MBD5: variants seen among roughly 807,000 people sequenced by gnomAD.
MBD5 encodes methyl-CpG binding domain protein 5, also known as methyl-CpG-binding domain protein 5.
A neutral mutation model predicts 117.3 loss-of-function variants in MBD5; 13 were observed. The ratio of observed to expected loss-of-function variants is 0.11; its 90% CI spans 0.07 to 0.18. The LOEUF (loss-of-function observed/expected upper bound fraction) is 0.18. Among genes scored for constraint, MBD5 ranks in the 10% least tolerant of loss-of-function variants. MBD5 has a pLI of 1.00. For synonymous variants in MBD5, 727 were observed against 766.4 expected (o/e 0.95, Z 0.85); for missense variants, 1,879 against 2,093.8 (o/e 0.90, Z 2.00).
chr2:148,254,154 GC>G (rs1414220255), intron 3 of MBD5, among the ~76,000 whole-genome samples: 5 of 152,192 alleles, frequency 3.3e-5, no homozygotes, highest in Non-Finnish European at 5.9e-5. Flanking sequence ...GCCTAGGGAT[GC>G]CCACCCTCTC....
At chr2:148,243,502 T>G (rs1204438584) in intron 3 of MBD5, among the ~76,000 whole-genome samples, 2 of 152,108 alleles carry the variant, frequency 1.3e-5, no homozygotes, top group African/African-American at 4.8e-5. Flanking sequence ...ATATATTTTA[T>G]ATTTTCCATT....
intron 3 of MBD5, among the ~76,000 whole-genome samples, chr2:148,249,880 C>A (rs1353262908): frequency 1.3e-5 from 2 of 152,090 alleles, no homozygotes; most frequent in Admixed American, 1.3e-4. Flanking sequence ...TGACTGCAGG[C>A]CAGGGATGCT....
At chr2:148,478,225 T>G (rs1392032050) in intron 8 of MBD5, among the ~76,000 whole-genome samples, 1 of 152,216 alleles carries the variant, frequency 6.6e-6, no homozygotes, top group Non-Finnish European at 1.5e-5. Flanking sequence ...CGTGCTGTCA[T>G]GTACACACAT....
chr2:148,421,636 C>T (rs964786222), intron 4 of MBD5, among the ~76,000 whole-genome samples: 4 of 152,134 alleles, frequency 2.6e-5, no homozygotes, highest in East Asian at 1.9e-4. Flanking sequence ...TGGTCTGGCT[C>T]GGCGGATCCC....
At position 148,216,235 on chromosome 2, in the gene MBD5, C is replaced by T. The variant is rs137873129; in HGVS notation, c.-830-17010C>T. ...GAAAATATTAGAAGAGAAACCTGGC[C>T]GATCAAGCTTAGATCACAGATGCAT... On this transcript the variant is annotated intron_variant, in intron 2 of 13. Coordinates refer to ENST00000642680, the MANE Select transcript of MBD5 (RefSeq NM_001378120.1). Among the ~76,000 whole-genome samples the T allele has an allele frequency of 2.4e-3, 368 of 152,104 alleles. 2 individuals carry two copies. Among genetic ancestry groups the T allele is most frequent in the Non-Finnish European group, 3.9e-3 (268 of 68,004 alleles).
chr2:148,235,391 T>C (rs542381545), intron 3 of MBD5, among the ~76,000 whole-genome samples: 1 of 152,200 alleles, frequency 6.6e-6, no homozygotes, highest in Non-Finnish European at 1.5e-5. Context: ...GTATCAATGG[T>C]ATATAGCTTT....
At chr2:148,221,161 C>G (rs562838344) in intron 2 of MBD5, among the ~76,000 whole-genome samples, 3 of 152,150 alleles carry the variant, frequency 2.0e-5, no homozygotes, top group African/African-American at 4.8e-5. Context: ...ACCACACTTT[C>G]TTATATTCAT....
At chr2:148,079,818 T>G (rs1291279463) in intron 1 of MBD5, among the ~76,000 whole-genome samples, 1 of 151,460 alleles carries the variant, frequency 6.6e-6, no homozygotes, top group Non-Finnish European at 1.5e-5. Flanking sequence ...GATCGCACCA[T>G]TGCACTCCAG....
In MBD5 at chr2:148,398,146, T is replaced by G. The variant is rs975234895; in HGVS notation, c.-557+55810T>G. Among the ~76,000 whole-genome samples the G allele has an allele frequency of 1.8e-4, 28 of 152,350 alleles. 1 individual carries two copies. Among genetic ancestry groups the G allele is most frequent in the Middle Eastern group, 3.4e-3 (1 of 294 alleles). On this transcript the variant is annotated intron_variant, in intron 4 of 13. Transcript: ENST00000642680. ...CATGTGTCTTTATAGCAGCATGTTT[T>G]ATACTCCTTTGGGTATATACCCAGT...
chr2:148,194,903 C>A (rs1698935034), intron 2 of MBD5, among the ~76,000 whole-genome samples: 2 of 152,018 alleles, frequency 1.3e-5, no homozygotes, highest in South Asian at 4.2e-4. Flanking sequence ...GATTAAAAGG[C>A]TTTTTTGTTT....
intron 4 of MBD5, among the ~76,000 whole-genome samples, chr2:148,438,789 G>T (rs147070201): frequency 6.6e-6 from 1 of 152,122 alleles, no homozygotes; most frequent in Non-Finnish European, 1.5e-5. Flanking sequence ...CAAAAGAAAT[G>T]TGTGTCCAAG....
chr2:148,310,349 G>A (rs547865557), intron 3 of MBD5, among the ~76,000 whole-genome samples: 16 of 152,092 alleles, frequency 1.1e-4, no homozygotes, highest in African/African-American at 2.2e-4. Flanking sequence ...TCAGGGATTC[G>A]ACTTCTTCCT....
In MBD5 at chr2:148,104,404, C is replaced by T. The variant is rs536407366; in HGVS notation, c.-924-74296C>T. Among the ~76,000 whole-genome samples, 8 of 152,246 alleles carry T rather than the reference C, an allele frequency of 5.3e-5. No individual in the cohort carries two copies. The South Asian group carries it at 1.5e-3, about 28-fold the overall frequency. ...CAGAGGAAAAGGCCTGAATTTGTTA[C>T]CCATGAAACACTAAACCAGTGTCTT... On this transcript the variant is annotated intron_variant, in intron 1 of 13. Transcript: ENST00000642680.
intron 1 of MBD5, among the ~76,000 whole-genome samples, chr2:148,173,649 T>C (rs1427912828): frequency 6.6e-6 from 1 of 152,104 alleles, no homozygotes; most frequent in Non-Finnish European, 1.5e-5. Context: ...TGCCCAGCAG[T>C]AAAGAGGCTA....
intron 1 of MBD5, among the ~76,000 whole-genome samples, chr2:148,121,310 T>C (rs182557813): frequency 2.8e-4 from 42 of 152,324 alleles, no homozygotes; most frequent in Non-Finnish European, 5.7e-4. Context: ...AATTTATGCA[T>C]GGATTACATC....
At chr2:148,323,500 A>G (rs1702348398) in intron 3 of MBD5, among the ~76,000 whole-genome samples, 4 of 152,118 alleles carry the variant, frequency 2.6e-5, no homozygotes, top group African/African-American at 9.6e-5. Flanking sequence ...CATCCTCTCC[A>G]GCACCTGTTG....
At chr2:148,089,139 C>T (rs1011932474) in intron 1 of MBD5, among the ~76,000 whole-genome samples, 3 of 151,772 alleles carry the variant, frequency 2.0e-5, no homozygotes, top group Non-Finnish European at 2.9e-5. Flanking sequence ...AGGATCAGAC[C>T]AATAGGAAAA....
At chr2:148,386,411 T>G (rs1300091345) in intron 4 of MBD5, among the ~76,000 whole-genome samples, 1 of 152,152 alleles carries the variant, frequency 6.6e-6, no homozygotes, top group Non-Finnish European at 1.5e-5. Context: ...AGTAGACATT[T>G]AAAAGATAAG....
rs184062092 is a variant in MBD5, at chr2:148,325,046, G to T, written c.-679-17168G>T. On this transcript the variant is annotated intron_variant, in intron 3 of 13. Transcript: ENST00000642680. ...TTTGTTGAGAGTTTTTAGCATGAAG[G>T]GTTGTTGAATTTTGTCACAGGCCTT... Among the ~76,000 whole-genome samples, 248 of 152,160 alleles carry T rather than the reference G, an allele frequency of 1.6e-3. 3 individuals carry two copies. The highest frequency in any genetic ancestry group is 5.4e-3 in the East Asian group (28 of 5,174).
Sources: gnomAD v4.1 joint callset for allele counts (sites outside exome capture counted in the v4.1 genomes callset) on GRCh38, gnomAD v4.1.1 for gene constraint, MANE v1.5 for transcripts, NCBI Gene and HGNC (gene_info 2026-07-23, HGNC 2026-07-21) for gene names.